Variants in KCNE3 observed in about 807,000 individuals in gnomAD.
KCNE3 encodes potassium voltage-gated channel subfamily E member 3.
Under a neutral mutation model 4.3 loss-of-function variants are expected in KCNE3, and 2 were observed. The ratio of observed to expected loss-of-function variants is 0.47; its 90% CI spans 0.19 to 1.48. The LOEUF is 1.48. Ranked by LOEUF, KCNE3 falls within the 40% of genes most tolerant of loss-of-function variation. The pLI is 0.25. For missense variants in KCNE3, 128 were observed against 136.8 expected, an observed-to-expected ratio of 0.94 and a Z score of 0.32; for synonymous variants, 47 against 52.0, an observed-to-expected ratio of 0.90 and a Z score of 0.41.
At chr11:74,458,038 T>C (rs1012166263) in intron 2 of KCNE3, among the ~76,000 whole-genome samples, 1 of 152,254 alleles carries the variant, frequency 6.6e-6, no homozygotes, top group East Asian at 1.9e-4. Context: ...TATTTCTTCA[T>C]GGCAGTATGA....
intron 2 of KCNE3, among the ~76,000 whole-genome samples, chr11:74,460,071 T>C (rs17524): frequency 0.29 from 44,838 of 152,188 alleles, 6,794 homozygotes; most frequent in Admixed American, 0.36. Flanking sequence ...TCATTCTGAC[T>C]ATGAAAAATA....
intron 2 of KCNE3, among the ~76,000 whole-genome samples, chr11:74,460,988 G>A (rs1487927106): frequency 6.6e-6 from 1 of 152,120 alleles, no homozygotes. Context: ...AAGACCTGAG[G>A]AGGAAATGGC....
At position 74,466,808 on chromosome 11, in the gene KCNE3, G is replaced by C. The variant is rs141308701; in HGVS notation, c.-190+590C>G. Among the ~76,000 whole-genome samples, 1,221 of 152,322 alleles carry C rather than the reference G, an allele frequency of 8.0e-3. 18 individuals are homozygous for C. Among genetic ancestry groups the C allele is most frequent in the African/African-American group, 0.028 (1,165 of 41,576 alleles). On this transcript the variant is annotated intron_variant, in intron 1 of 2. Coordinates refer to ENST00000310128, the MANE Select transcript of KCNE3 (RefSeq NM_005472.5). ...AGCACAAGGCGCAGAGCTGAGGGAT[G>C]ACTGCCCGGGTTTACACAGCCTGTA...
chr11:74,466,019 C>A (rs1188553504), intron 1 of KCNE3, among the ~76,000 whole-genome samples: 1 of 152,094 alleles, frequency 6.6e-6, no homozygotes, highest in Non-Finnish European at 1.5e-5. Context: ...AGAAGCCTTC[C>A]TGTTTCCTAC....
At chr11:74,460,735 T>A (rs547264383) in intron 2 of KCNE3, among the ~76,000 whole-genome samples, 1 of 152,294 alleles carries the variant, frequency 6.6e-6, no homozygotes, top group South Asian at 2.1e-4. Flanking sequence ...AGTGCCACGC[T>A]GTAGAGTTGG....
chr11:74,464,157 A>T (rs11236119), intron 1 of KCNE3: 12,085 of 152,190 alleles, frequency 0.079, 547 homozygotes, highest in Non-Finnish European at 0.091. Context: ...CACTTGTCCA[A>T]CCCCTAACTT....
chr11:74,458,303 AC>A (rs2135006238), intron 2 of KCNE3, among the ~76,000 whole-genome samples: 1 of 152,238 alleles, frequency 6.6e-6, no homozygotes, highest in East Asian at 1.9e-4. Context: ...ATTAGAAGGA[AC>A]TTAAGGATTA....
chr11:74,457,671 A>C (rs1863855185), intron 2 of KCNE3, 68 bp from the exon 3 acceptor site: 6 of 995,120 alleles, frequency 6.0e-6, no homozygotes, highest in Non-Finnish European at 9.6e-6. Flanking sequence ...TCCTCCCTTC[A>C]GATCCCAGGT....
At chr11:74,459,867 C>A (rs770677001) in intron 2 of KCNE3, among the ~76,000 whole-genome samples, 6 of 152,172 alleles carry the variant, frequency 3.9e-5, no homozygotes, top group Non-Finnish European at 4.4e-5. Context: ...CAGGGCACTA[C>A]CTTGAGACTG....
At chr11:74,465,903 G>C (rs1483348004) in intron 1 of KCNE3, among the ~76,000 whole-genome samples, 1 of 151,990 alleles carries the variant, frequency 6.6e-6, no homozygotes, top group African/African-American at 2.4e-5. Context: ...ATATTACCAA[G>C]AACAACCATC....
rs766713854 is a variant in KCNE3 at position 74,461,783 on chromosome 11, TA to T, written c.-41+171del. 9.8e-3 allele frequency among the ~76,000 whole-genome samples: 1,360 copies of T among 139,332 alleles called. 5 individuals carry two copies. Among genetic ancestry groups the T allele is most frequent in the African/African-American group, 0.017 (665 of 38,038 alleles). 91.4% of individuals were successfully genotyped at this position (139,332 alleles called of 152,430 possible). A position where few individuals can be genotyped will look rare whatever the true frequency, so the allele number is the denominator to read the frequency against. On this transcript the variant is annotated intron_variant, in intron 2 of 2. Transcript: ENST00000310128. ...AGAAGCAAATATGTACACATAGGTT[TA>T]AAAAAAAAAAAAAAGAATGGACGCA...
chr11:74,463,017 C>A (rs1048057341), intron 1 of KCNE3, among the ~76,000 whole-genome samples: 1 of 152,166 alleles, frequency 6.6e-6, no homozygotes, highest in Non-Finnish European at 1.5e-5. Context: ...CTGTGGACCT[C>A]TTCCTCACAG....
intron 1 of KCNE3, among the ~76,000 whole-genome samples, chr11:74,463,330 C>T (rs1042135780): frequency 3.3e-5 from 5 of 152,096 alleles, no homozygotes; most frequent in Non-Finnish European, 7.4e-5. Flanking sequence ...TTCCACATCT[C>T]TAGGTGCTGG....
intron 2 of KCNE3, among the ~76,000 whole-genome samples, chr11:74,459,456 G>T (rs12808362): frequency 1.3e-5 from 2 of 151,878 alleles, no homozygotes; most frequent in African/African-American, 4.8e-5. Context: ...TAGAGACAGG[G>T]TTTCACCATG....
chr11:74,455,584 GAA>G lies in KCNE3; in HGVS notation c.*1666_*1667del, dbSNP rs1271823590. The G allele has an allele frequency of 6.6e-6, 1 of 152,198 alleles. No individual in the cohort carries two copies. Among genetic ancestry groups the G allele is most frequent in the Non-Finnish European group, 1.5e-5 (1 of 68,028 alleles). The allele number at this position is 152,198 out of a possible 1,614,324, so 9.4% of individuals were successfully genotyped here. ...TGAAGAGGAAAACGGATGAGGGAGA[GAA>G]GTGTCCAGCCTAAGATCATACATCA... On this transcript the variant is annotated 3_prime_UTR_variant, in exon 3 of 3. Coordinates refer to ENST00000310128, the MANE Select transcript of KCNE3 (RefSeq NM_005472.5).
At chr11:74,465,475 C>T (rs543886818) in intron 1 of KCNE3, among the ~76,000 whole-genome samples, 1 of 152,218 alleles carries the variant, frequency 6.6e-6, no homozygotes, top group Admixed American at 6.5e-5. Context: ...GCTCCCTGCA[C>T]CTGGACCCCA....
intron 1 of KCNE3, among the ~76,000 whole-genome samples, chr11:74,464,835 A>C (rs1427724955): frequency 6.6e-6 from 1 of 152,244 alleles, no homozygotes; most frequent in African/African-American, 2.4e-5. Flanking sequence ...ATGACACTGA[A>C]GTACAGGCCA....
intron 2 of KCNE3, among the ~76,000 whole-genome samples, chr11:74,459,160 C>T (rs991311517): frequency 6.6e-6 from 1 of 152,030 alleles, no homozygotes; most frequent in African/African-American, 2.4e-5. Context: ...ACTATCTTGT[C>T]TCCTGAAATA....
chr11:74,465,967 T>G (rs1864049613), intron 1 of KCNE3, among the ~76,000 whole-genome samples: 1 of 151,994 alleles, frequency 6.6e-6, no homozygotes, highest in Non-Finnish European at 1.5e-5. Flanking sequence ...AGCCAGGAGG[T>G]TCTTATTATT....
Sources: allele counts gnomAD v4.1 joint callset (sites outside exome capture counted in the v4.1 genomes callset), GRCh38; gene constraint gnomAD v4.1.1; transcripts MANE v1.5; gene names NCBI Gene and HGNC (gene_info 2026-07-23, HGNC 2026-07-21).